The following SLC38A10 variants were observed in gnomAD, a reference collection of about 807,000 sequenced individuals.
SLC38A10 encodes Sodium-coupled neutral amino acid transporter 10.
In SLC38A10, 53 loss-of-function variants were observed where a neutral mutation model predicts 81.0. That is an observed-to-expected ratio of 0.65 (90% CI 0.53 to 0.82). SLC38A10 has a LOEUF of 0.82. SLC38A10 is among the 40% of genes least tolerant of loss of function. The pLI is 0.00. For missense variants in SLC38A10, 1,471 were observed against 1,545.0 expected (o/e 0.95, Z 0.80); for synonymous variants, 665 against 655.3 (o/e 1.01, Z -0.23).
chr17:81,290,360 A>G (rs11150780), intron 1 of SLC38A10, among the ~76,000 whole-genome samples: 46,892 of 152,080 alleles, frequency 0.31, 7,460 homozygotes, highest in African/African-American at 0.35. Flanking sequence ...AAACAACCCA[A>G]ATGTCCTTCA....
In SLC38A10 at chr17:81,252,588, C is replaced by T; in HGVS notation, c.1552G>A (p.Glu518Lys). Residue 518 changes from glutamate (E) to lysine (K), a missense_variant, in exon 13 of 16, where the codon GAA becomes AAA. Physicochemically the swap from Glu to Lys is moderately conservative, Grantham distance 56. Transcript: ENST00000374759. ...TGTCTGGATGGAGGTTTGTTCTCTT[C>T]TGGCACCTCTCGGTCTTGGCCTTCA... ...VDEGQDREVP[E>K]ENKPPSRHAG... The T allele has an allele frequency of 6.2e-7, 1 of 1,613,450 alleles. No individual in the cohort carries two copies. Among genetic ancestry groups the T allele is most frequent in the Non-Finnish European group, 8.5e-7 (1 of 1,180,044 alleles).
chr17:81,250,879 G>C (rs970381470), intron 14 of SLC38A10: 115 of 1,078,004 alleles, frequency 1.1e-4, no homozygotes, highest in Non-Finnish European at 1.3e-4. Context: ...GTTTGGAGGA[G>C]GATTCAGAGC....
At chr17:81,250,810 G>A in intron 14 of SLC38A10, 4 of 1,000,490 alleles carry the variant, frequency 4.0e-6, no homozygotes, top group Non-Finnish European at 4.8e-6. Flanking sequence ...CTACCCAACT[G>A]CATGAGGCCA....
chr17:81,270,520 C>T lies in SLC38A10; in HGVS notation c.1131+398G>A, dbSNP rs1264167058. Among the ~76,000 whole-genome samples, 1 of 152,108 alleles carries T rather than the reference C, an allele frequency of 6.6e-6. No individual in the cohort carries two copies. Among genetic ancestry groups the T allele is most frequent in the African/African-American group, 2.4e-5 (1 of 41,396 alleles). On this transcript the variant is annotated intron_variant, in intron 10 of 15. Transcript: ENST00000374759. This position sits in a 1 kb window ranked among gnomAD's most constrained non-coding sequence, Gnocchi z 4.0. ...ACAGTTAAAGAAAAACCCACAAGCA[C>T]GCACATCTCCGTGGGAGGGTCGCAC...
intron 2 of SLC38A10, chr17:81,285,283 A>T: frequency 5.4e-6 from 1 of 183,960 alleles, no homozygotes; most frequent in Non-Finnish European, 1.1e-5. Context: ...AGGTCCCCAG[A>T]GGGTTCAGTG....
Position 81,252,174 on chromosome 17 carries a change from C to G in SLC38A10, c.1945+21G>C, listed in dbSNP as rs368975768. The stretch of plus-strand genomic sequence containing the variant: ...CCCAAGAGGGGAGTGTCTTCCGACA[C>G]GAGCCCAGGCTGACACCCACCGTGG... On this transcript the variant is annotated intron_variant, in intron 13 of 15. Transcript: ENST00000374759. The G allele has an allele frequency of 6.0e-6, 9 of 1,495,114 alleles. No individual in the cohort carries two copies. In the East Asian group the frequency reaches 1.9e-4, roughly 31 times the overall value. 92.6% of individuals were successfully genotyped at this position (1,495,114 alleles called of 1,614,324 possible).
rs763833422 is a variant in SLC38A10, at chr17:81,283,515, G to A, written c.264-13C>T. 116 of 1,597,160 alleles carry A rather than the reference G, an allele frequency of 7.3e-5. No homozygotes were observed. Among genetic ancestry groups the A allele is most frequent in the Middle Eastern group, 1.6e-4 (1 of 6,062 alleles). ...CAGCCCGATCATGCTGCACAGGGAC[G>A]GGGGGTACGGGAAATGCCATCAGGG... is the stretch of plus-strand genomic sequence containing the variant. On this transcript the variant is annotated splice_polypyrimidine_tract_variant and intron_variant, in intron 3 of 15. Coordinates refer to ENST00000374759, the MANE Select transcript of SLC38A10 (RefSeq NM_001037984.3). This position sits in a 1 kb window ranked among gnomAD's most constrained non-coding sequence, Gnocchi z 4.7.
chr17:81,269,252 G>A (rs1427381927), intron 10 of SLC38A10, among the ~76,000 whole-genome samples: 2 of 152,162 alleles, frequency 1.3e-5, no homozygotes, highest in Non-Finnish European at 2.9e-5. Flanking sequence ...AGTGGCTCAC[G>A]TCTATAATCC....
At chr17:81,272,740 G>T in intron 8 of SLC38A10, 113 bp from the exon 9 acceptor site, 1 of 651,688 alleles carries the variant, frequency 1.5e-6, no homozygotes, top group East Asian at 3.3e-5. Context: ...CTCCACGTGA[G>T]GCCGGCCGCG....
Position 81,250,050 on chromosome 17 carries a change from A to C in SLC38A10, c.2065+1443T>G, listed in dbSNP as rs1388862151. ...CGCCAGACAGGCTCTTGACTTCAGC[A>C]CACTCCTTTGGGTTCGTACCTGCTA... On this transcript the variant is annotated intron_variant, in intron 14 of 15. Coordinates refer to ENST00000374759, the MANE Select transcript of SLC38A10 (RefSeq NM_001037984.3). 18 of 1,288,184 alleles carry C rather than the reference A, an allele frequency of 1.4e-5. No homozygotes were observed. The East Asian group carries it at 9.4e-4, about 67-fold the overall frequency. The allele number at this position is 1,288,184 out of a possible 1,614,324, so 79.8% of individuals were successfully genotyped here.
chr17:81,275,774 C>G (rs970811380), intron 8 of SLC38A10, among the ~76,000 whole-genome samples, 195 bp downstream of exon 8: 1 of 151,730 alleles, frequency 6.6e-6, no homozygotes, highest in African/African-American at 2.4e-5. Context: ...GTGCCCATCT[C>G]CAGACTCTGG....
chr17:81,248,452 G>A (rs901294106), intron 14 of SLC38A10, among the ~76,000 whole-genome samples: 5 of 152,230 alleles, frequency 3.3e-5, no homozygotes, highest in African/African-American at 9.6e-5. Flanking sequence ...CCCGGGTTAC[G>A]GCTGGCACAC....
At chr17:81,274,405 C>T (rs1225280311) in intron 8 of SLC38A10, among the ~76,000 whole-genome samples, 1 of 152,236 alleles carries the variant, frequency 6.6e-6, no homozygotes, top group Non-Finnish European at 1.5e-5. Flanking sequence ...GGAGACCCAC[C>T]GCCCCCAATG....
intron 10 of SLC38A10, chr17:81,264,072 G>A (rs1298703034): frequency 1.3e-5 from 2 of 152,370 alleles, no homozygotes; most frequent in Non-Finnish European, 2.9e-5. Context: ...CCACTGGAGT[G>A]TGGGAATCCA....
chr17:81,249,025 G>A (rs1405296994), intron 14 of SLC38A10, among the ~76,000 whole-genome samples: 1 of 152,142 alleles, frequency 6.6e-6, no homozygotes, highest in Non-Finnish European at 1.5e-5. Context: ...GTGCTGCGGG[G>A]CTCAACCACG....
chr17:81,280,861 C>T (rs1021339852), intron 5 of SLC38A10, 128 bp from the exon 6 acceptor site: 2 of 1,356,414 alleles, frequency 1.5e-6, no homozygotes, highest in East Asian at 2.6e-5. Context: ...TCCCAGCCCC[C>T]CACCACCCTG....
intron 11 of SLC38A10, among the ~76,000 whole-genome samples, chr17:81,258,499 G>A (rs564796239): frequency 1.3e-5 from 2 of 152,244 alleles, no homozygotes; most frequent in Admixed American, 6.5e-5. Flanking sequence ...TGCACCGGCC[G>A]CAGGCAGAGG....
intron 8 of SLC38A10, 61 bp downstream of exon 8, chr17:81,275,908 C>T: frequency 6.6e-7 from 1 of 1,517,234 alleles, no homozygotes; most frequent in South Asian, 1.3e-5. Context: ...CAGCTGGGGG[C>T]TTATGGGAAG....
intron 8 of SLC38A10, among the ~76,000 whole-genome samples, chr17:81,275,462 G>C (rs946121311): frequency 2.0e-5 from 3 of 152,056 alleles, no homozygotes; most frequent in Non-Finnish European, 4.4e-5. Flanking sequence ...GGCCGGGCGC[G>C]GTGGCTCACG....
Sources: allele counts gnomAD v4.1 joint callset (sites outside exome capture counted in the v4.1 genomes callset), GRCh38; gene constraint gnomAD v4.1.1; non-coding constraint Gnocchi (gnomAD v3.1); transcripts MANE v1.5; gene names NCBI Gene and HGNC (gene_info 2026-07-23, HGNC 2026-07-21).